The following TBXAS1 variants were observed in gnomAD, a reference collection of about 807,000 sequenced individuals.
TBXAS1 encodes thromboxane A synthase 1.
Under a neutral mutation model 60.7 loss-of-function variants are expected in TBXAS1, and 48 were observed. The observed-to-expected ratio is 0.79, with a 90% CI of 0.63 to 1.01. The LOEUF (loss-of-function observed/expected upper bound fraction) is 1.01, where lower values mean the gene tolerates loss of function less well. Among genes scored for constraint, TBXAS1 ranks in the 50% least tolerant of loss-of-function variants. The pLI is 0.00. For missense variants in TBXAS1, 685 were observed against 686.3 expected (o/e 1.00, Z 0.02); for synonymous variants, 287 against 269.7 (o/e 1.06, Z -0.63).
chr7:139,878,108 T>TGA (rs3070223), intron 3 of TBXAS1, among the ~76,000 whole-genome samples: 61,325 of 146,714 alleles, frequency 0.42, 12,500 homozygotes, highest in South Asian at 0.5. Flanking sequence ...TGTGTGTGTG[T>TGA]GAGAGAGAGA....
intron 5 of TBXAS1, among the ~76,000 whole-genome samples, chr7:139,945,882 T>C (rs1244304716): frequency 1.3e-5 from 2 of 152,192 alleles, no homozygotes; most frequent in African/African-American, 4.8e-5. Context: ...ATCTGAAGGC[T>C]TGACTGGGGG....
intron 3 of TBXAS1, among the ~76,000 whole-genome samples, chr7:139,883,880 T>G (rs1802881033): frequency 6.6e-6 from 1 of 152,228 alleles, no homozygotes; most frequent in African/African-American, 2.4e-5. Context: ...TTGTATTGTA[T>G]TCTATCTGTA....
chr7:139,947,926 G>A (rs375204253), intron 5 of TBXAS1, among the ~76,000 whole-genome samples: 3 of 151,386 alleles, frequency 2.0e-5, no homozygotes, highest in African/African-American at 4.9e-5. Context: ...GTGCAGTGGC[G>A]TGATCTTGGC....
At chr7:139,859,269 T>C (rs1034839414) in intron 1 of TBXAS1, among the ~76,000 whole-genome samples, 4 of 150,150 alleles carry the variant, frequency 2.7e-5, no homozygotes, top group African/African-American at 7.3e-5. Context: ...TGCAGTGGCA[T>C]GATCTCTGTT....
At chr7:139,877,345 G>C (rs867575572) in intron 3 of TBXAS1, among the ~76,000 whole-genome samples, 12 of 152,190 alleles carry the variant, frequency 7.9e-5, no homozygotes, top group African/African-American at 2.4e-4. Flanking sequence ...CTCGATAAAG[G>C]CTCAAGAAAT....
intron 4 of TBXAS1, chr7:139,787,575 CA>C (rs1455483085): frequency 2.0e-5 from 3 of 152,096 alleles, no homozygotes; most frequent in Non-Finnish European, 2.9e-5. Context: ...AACAAGATGG[CA>C]CCACCGGGTT....
chr7:139,877,071 T>C (rs573611090), intron 3 of TBXAS1, among the ~76,000 whole-genome samples: 1 of 152,292 alleles, frequency 6.6e-6, no homozygotes, highest in South Asian at 2.1e-4. Context: ...CCCTATTGGT[T>C]AAACCAAGTC....
At chr7:139,969,286 A>C (rs1355444326) in intron 9 of TBXAS1, among the ~76,000 whole-genome samples, 1 of 152,158 alleles carries the variant, frequency 6.6e-6, no homozygotes, top group East Asian at 1.9e-4. Flanking sequence ...AACCATTATA[A>C]ATATCTAATT....
chr7:139,902,750 G>A (rs1804678721), intron 3 of TBXAS1, among the ~76,000 whole-genome samples: 1 of 152,128 alleles, frequency 6.6e-6, no homozygotes, highest in Non-Finnish European at 1.5e-5. Context: ...TTCTCCACAT[G>A]TTTGCCAGCC....
intron 4 of TBXAS1, among the ~76,000 whole-genome samples, chr7:139,790,512 T>G (rs1170891214): frequency 6.6e-6 from 1 of 152,180 alleles, no homozygotes; most frequent in Non-Finnish European, 1.5e-5. Context: ...ACCTATATCG[T>G]TTGAGTGATT....
At chr7:140,015,938 C>CGG in intron 11 of TBXAS1, 78 bp downstream of exon 11, 1 of 1,601,622 alleles carries the variant, frequency 6.2e-7, no homozygotes, top group Admixed American at 1.7e-5. Flanking sequence ...AGGCAGCAGC[C>CGG]GGGAGGCACA....
intron 4 of TBXAS1, among the ~76,000 whole-genome samples, chr7:139,815,434 G>T (rs1216491836): frequency 1.3e-5 from 2 of 152,176 alleles, no homozygotes; most frequent in African/African-American, 4.8e-5. Flanking sequence ...CTAATCCGCA[G>T]CTCTTTCATC....
intron 3 of TBXAS1, among the ~76,000 whole-genome samples, chr7:139,879,834 G>T (rs1489988090): frequency 3.0e-5 from 1 of 33,818 alleles, no homozygotes; most frequent in Non-Finnish European, 6.7e-5. Flanking sequence ...ATCTCATTTT[G>T]TGTGTGTGTG....
chr7:139,821,246 C>T (rs751271001), intron 4 of TBXAS1, among the ~76,000 whole-genome samples: 2 of 152,054 alleles, frequency 1.3e-5, no homozygotes, highest in East Asian at 3.9e-4. Context: ...AAGGAGGCTG[C>T]GGCAATGAGT....
intron 3 of TBXAS1, among the ~76,000 whole-genome samples, chr7:139,899,117 G>A (rs899669201): frequency 6.6e-6 from 1 of 151,914 alleles, no homozygotes; most frequent in African/African-American, 2.4e-5. Flanking sequence ...TCCTGCTCCA[G>A]ATCTATGCCC....
rs927009098 is a variant in TBXAS1, at chr7:139,918,984, AT to A, written c.333+7670del. Reference sequence around the variant, plus strand: ...TTTGGTATTTTTTTTTTACATTTTAATTTTTTTATACTCTATTTTTAGTAAA... The same window carrying A: ...TTTGGTATTTTTTTTTTACATTTTAATTTTTTATACTCTATTTTTAGTAAA... On this transcript the variant is annotated intron_variant, in intron 4 of 12. Transcript: ENST00000448866. Among the ~76,000 whole-genome samples the A allele has an allele frequency of 4.9e-4, 74 of 152,042 alleles. No individual in the cohort carries two copies. In the Middle Eastern group the frequency reaches 0.017, roughly 35 times the overall value.
chr7:139,873,969 C>T (rs1802022117), intron 2 of TBXAS1, among the ~76,000 whole-genome samples: 2 of 152,130 alleles, frequency 1.3e-5, no homozygotes, highest in Non-Finnish European at 2.9e-5. Context: ...AAAGGCTGGC[C>T]CTTGGCACTA....
chr7:139,856,926 G>A (rs1025820514), intron 1 of TBXAS1, among the ~76,000 whole-genome samples: 1 of 152,186 alleles, frequency 6.6e-6, no homozygotes, highest in Non-Finnish European at 1.5e-5. Flanking sequence ...ACCAATGGAG[G>A]CTTTGAAAAG....
At chr7:139,831,090 G>A (rs1039216782) in intron 1 of TBXAS1, among the ~76,000 whole-genome samples, 5 of 152,012 alleles carry the variant, frequency 3.3e-5, no homozygotes, top group African/African-American at 1.2e-4. Context: ...ATTTGTTATT[G>A]CAAAAATATT....
Sources: allele counts gnomAD v4.1 joint callset (sites outside exome capture counted in the v4.1 genomes callset), GRCh38; gene constraint gnomAD v4.1.1; transcripts MANE v1.5; gene names NCBI Gene and HGNC (gene_info 2026-07-23, HGNC 2026-07-21).